Variants in SLC1A1 observed in about 807,000 individuals in gnomAD.
SLC1A1 encodes the protein excitatory amino acid transporter 3.
In SLC1A1, 43 loss-of-function variants were observed where a neutral mutation model predicts 53.3. The observed-to-expected ratio is 0.81, with a 90% CI of 0.63 to 1.04. The LOEUF (loss-of-function observed/expected upper bound fraction) is 1.04. Among genes scored for constraint, SLC1A1 ranks in the 50% least tolerant of loss-of-function variants. The pLI, the probability that SLC1A1 is intolerant of heterozygous loss-of-function variation, is 0.00. For missense variants in SLC1A1, 748 were observed against 664.9 expected (o/e 1.12, Z -1.37); for synonymous variants, 307 against 243.2 (o/e 1.26, Z -2.44).
chr9:4,502,557 T>A lies in SLC1A1; in HGVS notation c.91+11787T>A, dbSNP rs938281055. On this transcript the variant is annotated intron_variant, in intron 1 of 11. Transcript: ENST00000262352. ...GTTTTATGTACATTTATCTCCCATT[T>A]GACCCTCAGTACAATGAGTTAGGGG... Among the ~76,000 whole-genome samples the A allele has an allele frequency of 2.6e-5, 4 of 151,616 alleles. No homozygotes were observed. The East Asian group carries it at 7.7e-4, about 29-fold the overall frequency.
In SLC1A1 at chr9:4,561,374, C is replaced by A; in HGVS notation, c.233-75C>A. ...CGCCTCTCAGCTCTTTATTTCACAA[C>A]CTGAGGATTAAATCGCGGGTCCTGG... On this transcript the variant is annotated intron_variant, in intron 2 of 11. Transcript: ENST00000262352. The A allele has an allele frequency of 3.3e-6, 3 of 903,586 alleles. No individual in the cohort carries two copies. The South Asian group carries it at 3.9e-5, about 12-fold the overall frequency. 56.0% of individuals were successfully genotyped at this position (903,586 alleles called of 1,614,324 possible).
intron 1 of SLC1A1, among the ~76,000 whole-genome samples, chr9:4,535,268 T>G (rs1442481463): frequency 6.6e-6 from 1 of 152,100 alleles, no homozygotes; most frequent in African/African-American, 2.4e-5. Context: ...AGTCAAATTG[T>G]CCCTGTTTGC....
At chr9:4,497,435 G>C (rs903619054) in intron 1 of SLC1A1, among the ~76,000 whole-genome samples, 2 of 152,118 alleles carry the variant, frequency 1.3e-5, no homozygotes, top group African/African-American at 4.8e-5. Flanking sequence ...GGACGTTTGT[G>C]TTGCTCTTCT....
intron 1 of SLC1A1, among the ~76,000 whole-genome samples, chr9:4,542,584 C>G (rs1182987670): frequency 6.6e-6 from 1 of 152,102 alleles, no homozygotes; most frequent in African/African-American, 2.4e-5. Flanking sequence ...ACTGAGCTTT[C>G]TTTGACATAC....
intron 6 of SLC1A1, 26 bp from the exon 7 acceptor site, chr9:4,572,176 AAT>A: frequency 6.3e-7 from 1 of 1,591,292 alleles, no homozygotes; most frequent in Non-Finnish European, 8.6e-7. Flanking sequence ...ATCGTGCATC[AAT>A]ATGTTTTCTT....
chr9:4,542,036 G>C (rs977094882), intron 1 of SLC1A1, among the ~76,000 whole-genome samples: 1 of 152,064 alleles, frequency 6.6e-6, no homozygotes, highest in Non-Finnish European at 1.5e-5. Flanking sequence ...AATTTACAAG[G>C]CATAACTCCT....
In SLC1A1 at chr9:4,563,723, G is replaced by C. The variant is rs116563846; in HGVS notation, c.326-621G>C. Among the ~76,000 whole-genome samples, 140 of 152,314 alleles carry C rather than the reference G, an allele frequency of 9.2e-4. 1 individual carries two copies. The highest frequency in any genetic ancestry group is 3.3e-3 in the African/African-American group (136 of 41,570). On this transcript the variant is annotated intron_variant, in intron 3 of 11. Transcript: ENST00000262352. ...TACTTCCCAAGGCCACAATGATGCT[G>C]TCAGATGCTCTGCCATGTAGACAGT...
At chr9:4,545,187 A>ACGTCTCTCTCTC (rs1482539598) in intron 2 of SLC1A1, among the ~76,000 whole-genome samples, 6 of 49,040 alleles carry the variant, frequency 1.2e-4, no homozygotes, top group African/African-American at 3.8e-4. Context: ...AATACATTAG[A>ACGTCTCTCTCTC]TGTCTCTCTC....
Position 4,560,996 on chromosome 9 carries a change from A to AAAAC in SLC1A1, c.233-434_233-431dup, listed in dbSNP as rs139529479. On this transcript the variant is annotated intron_variant, in intron 2 of 11. Transcript: ENST00000262352. The stretch of plus-strand genomic sequence containing the variant: ...GGGTGACAGAGTAAGACTCTGTCTC[A>AAAAC]AAACAAACAAACAAACAAACAACAA... Among the ~76,000 whole-genome samples the AAAAC allele has an allele frequency of 5.7e-3, 867 of 151,812 alleles. 12 individuals carry two copies. Among genetic ancestry groups the AAAAC allele is most frequent in the African/African-American group, 0.019 (778 of 41,452 alleles).
At chr9:4,574,366 C>G (rs1320755501) in intron 8 of SLC1A1, among the ~76,000 whole-genome samples, 1 of 152,176 alleles carries the variant, frequency 6.6e-6, no homozygotes, top group Non-Finnish European at 1.5e-5. Flanking sequence ...GCCAAGCAAG[C>G]AAGAATAGCC....
chr9:4,544,546 T>A, intron 1 of SLC1A1, 21 bp from the exon 2 acceptor site: 6 of 1,611,388 alleles, frequency 3.7e-6, no homozygotes, highest in Non-Finnish European at 5.1e-6. Flanking sequence ...CTTCCTTCTT[T>A]CCAACTCTTG....
At chr9:4,554,935 T>A (rs944554123) in intron 2 of SLC1A1, among the ~76,000 whole-genome samples, 5 of 152,272 alleles carry the variant, frequency 3.3e-5, no homozygotes. Context: ...GGCTATTTAC[T>A]AAGAACACAC....
chr9:4,561,496 G>C lies in SLC1A1; in HGVS notation c.280G>C (p.Ala94Pro). ...CGTATCCGGAAAAATTGGTCTGCGC[G>C]CTGTCGTGTATTATTTCTGTACCAC... ...SNVSGKIGLR[A>P]VVYYFCTTLI... Residue 94 changes from alanine (A) to proline (P), a missense_variant, in exon 3 of 12, where the codon GCT (alanine) becomes CCT (proline). Physicochemically the swap from Ala to Pro is conservative, Grantham distance 27. Transcript: ENST00000262352. 4 of 1,610,254 alleles carry C rather than the reference G, an allele frequency of 2.5e-6. No individual in the cohort carries two copies. The highest frequency in any genetic ancestry group is 3.4e-6 in the Non-Finnish European group (4 of 1,176,570).
chr9:4,571,556 A>G (rs1245249037), intron 6 of SLC1A1, among the ~76,000 whole-genome samples: 5 of 152,134 alleles, frequency 3.3e-5, no homozygotes, highest in Admixed American at 6.6e-5. Flanking sequence ...GGATGCCTGT[A>G]ATCCCAGCTA....
chr9:4,529,827 A>C (rs1816400911), intron 1 of SLC1A1, among the ~76,000 whole-genome samples: 1 of 152,138 alleles, frequency 6.6e-6, no homozygotes, highest in Non-Finnish European at 1.5e-5. Flanking sequence ...ACTCATTTTT[A>C]AAATATATAT....
intron 6 of SLC1A1, among the ~76,000 whole-genome samples, chr9:4,571,324 A>AC (rs60740184): frequency 0.45 from 68,185 of 151,746 alleles, 15,642 homozygotes; most frequent in Middle Eastern, 0.54. Context: ...TATACAACAA[A>AC]CCCCATGACA....
chr9:4,553,364 C>CTTTTTTTTTTTTTTTTT (rs33971780), intron 2 of SLC1A1: 1 of 110,152 alleles, frequency 9.1e-6, no homozygotes. Context: ...CCCACCGCTT[C>CTTTTTTTTTTTTTTTTT]TTTTTTTTTT....
intron 1 of SLC1A1, among the ~76,000 whole-genome samples, chr9:4,512,574 T>C (rs748881717): frequency 4.0e-5 from 6 of 151,684 alleles, no homozygotes; most frequent in Non-Finnish European, 8.8e-5. Context: ...CTAAAATAAT[T>C]ATGAAAAAGA....
chr9:4,497,315 G>A (rs892099109), intron 1 of SLC1A1, among the ~76,000 whole-genome samples: 9 of 152,232 alleles, frequency 5.9e-5, no homozygotes, highest in Non-Finnish European at 1.2e-4. Context: ...TGGAAGTCTG[G>A]CTCTAGAGCC....
Sources: gnomAD v4.1 joint callset for allele counts (sites outside exome capture counted in the v4.1 genomes callset) on GRCh38, gnomAD v4.1.1 for gene constraint, MANE v1.5 for transcripts, NCBI Gene and HGNC (gene_info 2026-07-23, HGNC 2026-07-21) for gene names.